Variants in PTGR2 observed in about 807,000 individuals in gnomAD.
The protein encoded by PTGR2 is 15-oxoprostaglandin 13-reductase.
In PTGR2, 32 loss-of-function variants were observed where a neutral mutation model predicts 43.4. The observed-to-expected ratio is 0.74, with a 90% CI of 0.56 to 0.99. The LOEUF is 0.99. Among genes scored for constraint, PTGR2 ranks in the 50% least tolerant of loss-of-function variants. The pLI is 0.00. For missense variants in PTGR2, 373 were observed against 420.0 expected (o/e 0.89, Z 0.98); for synonymous variants, 106 against 139.2 (o/e 0.76, Z 1.68).
intron 1 of PTGR2, among the ~76,000 whole-genome samples, chr14:73,852,308 T>TTGGA (rs1403968562): frequency 6.6e-6 from 1 of 152,042 alleles, no homozygotes; most frequent in Non-Finnish European, 1.5e-5. Flanking sequence ...GTCGCCCAGG[T>TTGGA]TGGAGTGCAG....
At chr14:73,883,188 C>CTTTTTTTTTTTTTTTTTTTTTTT (rs58234739) in intron 9 of PTGR2, among the ~76,000 whole-genome samples, 2 of 58,152 alleles carry the variant, frequency 3.4e-5, no homozygotes, top group African/African-American at 7.9e-5. Flanking sequence ...CCTCACCTCC[C>CTTTTTTTTTTTTTTTTTTTTTTT]TTTTTTTTTT....
intron 7 of PTGR2, 182 bp downstream of exon 7, chr14:73,880,358 A>C (rs546070769): frequency 2.3e-5 from 14 of 602,102 alleles, no homozygotes; most frequent in Non-Finnish European, 3.5e-5. Flanking sequence ...GGATTGCTTG[A>C]GGCCAGGAGT....
chr14:73,858,860 G>T lies in PTGR2; in HGVS notation c.-3G>T. On this transcript the variant is annotated 5_prime_UTR_variant, in exon 2 of 10. Transcript: ENST00000555661. Reference sequence around the variant, plus strand: ...CTTGTGAAACCACTGCCCAACCAGAGCAATGATTGTTCAAAGAGTGGTATT... The same window carrying T: ...CTTGTGAAACCACTGCCCAACCAGATCAATGATTGTTCAAAGAGTGGTATT... 6.2e-7 allele frequency: 1 copy of T among 1,610,612 alleles called. No homozygotes were observed. Among genetic ancestry groups the T allele is most frequent in the Non-Finnish European group, 8.5e-7 (1 of 1,177,818 alleles).
chr14:73,854,226 C>T (rs1019002711), intron 1 of PTGR2, among the ~76,000 whole-genome samples: 8 of 152,018 alleles, frequency 5.3e-5, no homozygotes, highest in African/African-American at 1.4e-4. Flanking sequence ...CCTCAGCCTC[C>T]GGAGTAGCTG....
chr14:73,879,815 C>A (rs546346519), intron 6 of PTGR2: 1 of 447,926 alleles, frequency 2.2e-6, no homozygotes, highest in Non-Finnish European at 4.1e-6. Context: ...TAATAAGTAG[C>A]AACAACAACT....
intron 1 of PTGR2, among the ~76,000 whole-genome samples, chr14:73,853,479 C>A (rs576944491): frequency 7.9e-5 from 12 of 152,146 alleles, no homozygotes; most frequent in South Asian, 2.1e-4. Flanking sequence ...CCCGCCACCA[C>A]GCCGGGCTGA....
intron 7 of PTGR2, among the ~76,000 whole-genome samples, chr14:73,880,598 A>AG (rs1566642812): frequency 7.5e-6 from 1 of 133,586 alleles, no homozygotes; most frequent in Non-Finnish European, 1.7e-5. Context: ...AAAAAAAAAA[A>AG]AACAAAAAAA....
Position 73,884,089 on chromosome 14 carries a change from CT to C in PTGR2, c.980-11del. 1 of 1,572,844 alleles carries C rather than the reference CT, an allele frequency of 6.4e-7. No homozygotes were observed. The highest frequency in any genetic ancestry group is 1.1e-5 in the South Asian group (1 of 88,040). The stretch of plus-strand genomic sequence containing the variant: ...TTTATCTTTTCAGATAACCTACTTT[CT>C]CTTTTTCCAGCTGCATTCCAGTCCA... On this transcript the variant is annotated splice_polypyrimidine_tract_variant and intron_variant, in intron 9 of 9. Coordinates refer to ENST00000555661, the MANE Select transcript of PTGR2 (RefSeq NM_001146154.2).
intron 3 of PTGR2, among the ~76,000 whole-genome samples, chr14:73,873,531 C>T (rs764167041): frequency 6.6e-6 from 1 of 150,740 alleles, no homozygotes; most frequent in African/African-American, 2.4e-5. Context: ...GTGGTGCAAT[C>T]TTGGCTCACT....
chr14:73,860,525 G>C lies in PTGR2; in HGVS notation c.38-14G>C. 7.9e-7 allele frequency: 1 copy of C among 1,266,676 alleles called. No individual in the cohort carries two copies. The highest frequency in any genetic ancestry group is 1.1e-6 in the Non-Finnish European group (1 of 889,524). 78.5% of individuals were successfully genotyped at this position (1,266,676 alleles called of 1,614,324 possible). On this transcript the variant is annotated splice_polypyrimidine_tract_variant and intron_variant, in intron 2 of 9. Coordinates refer to ENST00000555661, the MANE Select transcript of PTGR2 (RefSeq NM_001146154.2). ...TGGCTTTTTTTAACTTTATATTTTT[G>C]CATAATATTTTAGGAAAAAATGGTA...
chr14:73,872,902 A>G (rs2054769607), intron 3 of PTGR2, among the ~76,000 whole-genome samples: 1 of 151,978 alleles, frequency 6.6e-6, no homozygotes. Context: ...GCTTGAACCC[A>G]GGAAGTGGAG....
chr14:73,881,949 A>T (rs994733831), intron 8 of PTGR2, among the ~76,000 whole-genome samples: 4 of 151,840 alleles, frequency 2.6e-5, no homozygotes, highest in Admixed American at 1.3e-4. Flanking sequence ...CGCTCAGCTA[A>T]TTTTTGTATT....
At chr14:73,857,664 G>GTTTTTTGTTT (rs2054384045) in intron 1 of PTGR2, among the ~76,000 whole-genome samples, 5 of 64,696 alleles carry the variant, frequency 7.7e-5, no homozygotes, top group African/African-American at 2.5e-4. Flanking sequence ...AGCAGTTAGT[G>GTTTTTTGTTT]TTTTTTTTTT....
At chr14:73,871,449 T>C (rs2054730570) in intron 3 of PTGR2, among the ~76,000 whole-genome samples, 1 of 151,848 alleles carries the variant, frequency 6.6e-6, no homozygotes, top group Non-Finnish European at 1.5e-5. Flanking sequence ...GTAATATCCT[T>C]TATAATAAAC....
intron 1 of PTGR2, among the ~76,000 whole-genome samples, chr14:73,854,597 CAAAT>C (rs772327736): frequency 1.4e-4 from 21 of 151,274 alleles, no homozygotes; most frequent in East Asian, 5.8e-4. Flanking sequence ...ATATGTTAAA[CAAAT>C]AAAGCATACC....
intron 4 of PTGR2, 62 bp downstream of exon 4, chr14:73,874,276 G>C: frequency 7.9e-7 from 1 of 1,266,742 alleles, no homozygotes; most frequent in Non-Finnish European, 1.1e-6. Context: ...TTGTGCATTT[G>C]ATATTCAGTT....
chr14:73,881,573 T>C (rs539464467), intron 8 of PTGR2, among the ~76,000 whole-genome samples: 78 of 149,472 alleles, frequency 5.2e-4, no homozygotes, highest in Non-Finnish European at 1.0e-3. Flanking sequence ...AAATTATGTT[T>C]ATTAATTTAA....
chr14:73,862,918 G>T (rs2054527082), intron 3 of PTGR2, among the ~76,000 whole-genome samples: 1 of 151,978 alleles, frequency 6.6e-6, no homozygotes, highest in African/African-American at 2.4e-5. Context: ...ATGTTGCCCA[G>T]GTTGGTCTTG....
Position 73,881,201 on chromosome 14 carries a change from G to T in PTGR2, c.852-4G>T. ...GATCATTATCCTTTTCTTCCTCACT[G>T]CAGGGAAAGATTTCTGGTATTAAAT... On this transcript the variant is annotated splice_polypyrimidine_tract_variant and splice_region_variant and intron_variant, in intron 7 of 9. Coordinates refer to ENST00000555661, the MANE Select transcript of PTGR2 (RefSeq NM_001146154.2). 6.4e-7 allele frequency: 1 copy of T among 1,571,216 alleles called. No homozygotes were observed. The highest frequency in any genetic ancestry group is 1.1e-5 in the South Asian group (1 of 90,024).
Sources: allele counts gnomAD v4.1 joint callset (sites outside exome capture counted in the v4.1 genomes callset), GRCh38; gene constraint gnomAD v4.1.1; transcripts MANE v1.5; gene names NCBI Gene and HGNC (gene_info 2026-07-23, HGNC 2026-07-21).